The following SASS6 variants were observed in gnomAD, a reference collection of about 807,000 sequenced individuals.
SASS6 encodes SAS-6 centriolar assembly protein.
In SASS6, 59 loss-of-function variants were observed where a neutral mutation model predicts 94.9. The observed-to-expected ratio is 0.62, with a 90% CI of 0.50 to 0.77. The LOEUF (loss-of-function observed/expected upper bound fraction) is 0.77. Among genes scored for constraint, SASS6 ranks in the 30% least tolerant of loss-of-function variants. SASS6 has a pLI of 0.00. For synonymous variants in SASS6, 264 were observed against 270.0 expected, an observed-to-expected ratio of 0.98 and a Z score of 0.22; for missense variants, 698 against 734.1, an observed-to-expected ratio of 0.95 and a Z score of 0.57.
At chr1:100,132,662 G>T in intron 1 of SASS6, 88 bp downstream of exon 1, 1 of 1,108,362 alleles carries the variant, frequency 9.0e-7, no homozygotes, top group Non-Finnish European at 1.4e-6. Flanking sequence ...CTAGGTGCAA[G>T]GTGGATCCCA....
At chr1:100,126,847 G>C (rs1189651691) in intron 1 of SASS6, among the ~76,000 whole-genome samples, 1 of 152,096 alleles carries the variant, frequency 6.6e-6, no homozygotes, top group Admixed American at 6.5e-5. Flanking sequence ...TAAAATCAAG[G>C]AAATAACATA....
At chr1:100,113,591 A>G (rs1285779691) in intron 7 of SASS6, among the ~76,000 whole-genome samples, 1 of 151,480 alleles carries the variant, frequency 6.6e-6, no homozygotes, top group Non-Finnish European at 1.5e-5. Flanking sequence ...ACTGCACTCC[A>G]GCCTGGGTGA....
chr1:100,096,206 A>G (rs1479686044), intron 14 of SASS6, among the ~76,000 whole-genome samples: 6 of 152,242 alleles, frequency 3.9e-5, no homozygotes, highest in South Asian at 4.1e-4. Flanking sequence ...ATAAAAATCA[A>G]TGAAACAGAA....
chr1:100,130,185 C>G (rs1301290353), intron 1 of SASS6, among the ~76,000 whole-genome samples: 8 of 152,154 alleles, frequency 5.3e-5, no homozygotes, highest in Non-Finnish European at 1.2e-4. Flanking sequence ...TGCTATGGTG[C>G]CTGTTCAAGG....
At chr1:100,130,550 G>A (rs1462309429) in intron 1 of SASS6, among the ~76,000 whole-genome samples, 3 of 152,098 alleles carry the variant, frequency 2.0e-5, no homozygotes, top group Admixed American at 6.5e-5. Flanking sequence ...AAAGCCAGGC[G>A]TGGTGGTATG....
rs1652746906 is a variant in SASS6 at position 100,104,533 on chromosome 1, C to T, written c.1545+1234G>A. On this transcript the variant is annotated intron_variant, in intron 13 of 16. Transcript: ENST00000287482. ...GGAGTACAGTGGTGCGATCTTGGCT[C>T]ATGGCAACCTCCACCTCCTGGGTTC... Among the ~76,000 whole-genome samples, 3 of 151,948 alleles carry T rather than the reference C, an allele frequency of 2.0e-5. No homozygotes were observed. The South Asian group carries it at 6.2e-4, about 31-fold the overall frequency.
intron 15 of SASS6, among the ~76,000 whole-genome samples, chr1:100,087,108 CTGAG>C (rs914271715): frequency 2.0e-5 from 3 of 152,152 alleles, no homozygotes; most frequent in Non-Finnish European, 4.4e-5. Context: ...CTTCAGCCTC[CTGAG>C]TAACTGAGAT....
At chr1:100,113,654 A>G (rs987854615) in intron 7 of SASS6, among the ~76,000 whole-genome samples, 1 of 151,906 alleles carries the variant, frequency 6.6e-6, no homozygotes, top group African/African-American at 2.4e-5. Context: ...CAAAAAAAAA[A>G]GAAAAGGTAG....
intron 14 of SASS6, among the ~76,000 whole-genome samples, chr1:100,100,861 T>C (rs147211083): frequency 3.8e-4 from 58 of 152,338 alleles, no homozygotes; most frequent in African/African-American, 1.3e-3. Flanking sequence ...TTAAAGTGGG[T>C]CTTTGAGTCG....
chr1:100,103,173 A>C, intron 13 of SASS6, 90 bp from the exon 14 acceptor site: 1 of 767,730 alleles, frequency 1.3e-6, no homozygotes. Context: ...CTGTTATAAT[A>C]ACTAATAATT....
At chr1:100,129,726 G>A (rs1395047246) in intron 1 of SASS6, among the ~76,000 whole-genome samples, 6 of 152,136 alleles carry the variant, frequency 3.9e-5, no homozygotes, top group African/African-American at 1.4e-4. Context: ...ATGAGTATCA[G>A]GTATATTCAG....
chr1:100,083,957 G>C lies in SASS6; in HGVS notation c.*1371C>G, dbSNP rs1031341220. The C allele has an allele frequency of 8.6e-5, 13 of 151,714 alleles. No individual in the cohort carries two copies. Among genetic ancestry groups the C allele is most frequent in the African/African-American group, 2.9e-4 (12 of 41,320 alleles). 9.4% of individuals were successfully genotyped at this position (151,714 alleles called of 1,614,324 possible). A position where few individuals can be genotyped will look rare whatever the true frequency, so the allele number is the denominator to read the frequency against. On this transcript the variant is annotated 3_prime_UTR_variant, in exon 17 of 17. Transcript: ENST00000287482. ...AAGCTCCTTCCAAAATCACCAAGAG[G>C]CTTCTTTCCAGAATAGCAAGTGCTT...
intron 15 of SASS6, among the ~76,000 whole-genome samples, chr1:100,087,579 C>A (rs945120815): frequency 8.5e-5 from 13 of 152,090 alleles, no homozygotes; most frequent in Non-Finnish European, 4.4e-5. Context: ...ACTATGTAAA[C>A]CCTGTTTAAA....
intron 2 of SASS6, among the ~76,000 whole-genome samples, chr1:100,123,776 G>A (rs934137832): frequency 6.6e-6 from 1 of 152,210 alleles, no homozygotes; most frequent in Non-Finnish European, 1.5e-5. Flanking sequence ...CAGGTAACAC[G>A]TTGCCAGGCT....
intron 15 of SASS6, among the ~76,000 whole-genome samples, chr1:100,086,516 T>G (rs1488503581): frequency 6.8e-6 from 1 of 146,690 alleles, no homozygotes; most frequent in Non-Finnish European, 1.5e-5. Flanking sequence ...TGATTTGATT[T>G]TTTTTTTTTT....
At chr1:100,119,387 T>A (rs1232916411) in intron 6 of SASS6, among the ~76,000 whole-genome samples, 1 of 152,206 alleles carries the variant, frequency 6.6e-6, no homozygotes, top group African/African-American at 2.4e-5. Flanking sequence ...TTTAATTAAA[T>A]CTGGCTCTTT....
chr1:100,107,306 A>G (rs1652982499), intron 11 of SASS6, 68 bp downstream of exon 11: 1 of 982,082 alleles, frequency 1.0e-6, no homozygotes. Flanking sequence ...TGTTAATGTA[A>G]CAAAGCATAA....
Position 100,084,420 on chromosome 1 carries a change from TCA to T in SASS6, c.*906_*907del, listed in dbSNP as rs1264449031. ...CCCCAAGGAACAATTCTTAAAACTTTCAGTTACAGGGAAGAGAAGAAAATTGT... is the reference window on the plus strand; with the variant it reads ...CCCCAAGGAACAATTCTTAAAACTTTGTTACAGGGAAGAGAAGAAAATTGT... On this transcript the variant is annotated 3_prime_UTR_variant, in exon 17 of 17. Transcript: ENST00000287482. 1 of 152,078 alleles carries T rather than the reference TCA, an allele frequency of 6.6e-6. No homozygotes were observed. Among genetic ancestry groups the T allele is most frequent in the African/African-American group, 2.4e-5 (1 of 41,446 alleles). 9.4% of individuals were successfully genotyped at this position (152,078 alleles called of 1,614,324 possible).
At chr1:100,127,867 A>G (rs566956858) in intron 1 of SASS6, among the ~76,000 whole-genome samples, 5 of 152,144 alleles carry the variant, frequency 3.3e-5, no homozygotes, top group Admixed American at 1.3e-4. Flanking sequence ...AACTTGTAAG[A>G]TAAGTGGATT....
Sources: allele counts gnomAD v4.1 joint callset (sites outside exome capture counted in the v4.1 genomes callset), GRCh38; gene constraint gnomAD v4.1.1; transcripts MANE v1.5; gene names NCBI Gene and HGNC (gene_info 2026-07-23, HGNC 2026-07-21).